The following TNS3 variants were observed in gnomAD, a reference collection of about 807,000 sequenced individuals.
TNS3 encodes the protein tensin 3.
Under a neutral mutation model 140.9 loss-of-function variants are expected in TNS3, and 45 were observed. The observed-to-expected ratio is 0.32, with a 90% confidence interval of 0.25 to 0.41. The LOEUF (loss-of-function observed/expected upper bound fraction) is 0.41. Among genes scored for constraint, TNS3 ranks in the 10% least tolerant of loss-of-function variants. The pLI is 1.00. For missense variants in TNS3, 1,716 were observed against 1,906.7 expected, an observed-to-expected ratio of 0.90 and a Z score of 1.86; for synonymous variants, 815 against 788.4, an observed-to-expected ratio of 1.03 and a Z score of -0.56.
chr7:47,318,250 C>T (rs908288927), intron 20 of TNS3, among the ~76,000 whole-genome samples: 7 of 152,200 alleles, frequency 4.6e-5, no homozygotes, highest in African/African-American at 1.7e-4. Context: ...TGTTGTAGTG[C>T]GTGTCAGAAC....
intron 20 of TNS3, among the ~76,000 whole-genome samples, chr7:47,336,820 G>A (rs557522385): frequency 4.6e-5 from 7 of 152,316 alleles, no homozygotes; most frequent in South Asian, 2.1e-4. Context: ...ACAGAGAAGC[G>A]TGCGGGCTGC....
At chr7:47,467,258 A>AGT (rs1161695513) in intron 4 of TNS3, among the ~76,000 whole-genome samples, 1 of 152,222 alleles carries the variant, frequency 6.6e-6, no homozygotes, top group Admixed American at 6.5e-5. Flanking sequence ...GGGGAGTGCT[A>AGT]GTGGTCATCA....
intron 13 of TNS3, 144 bp downstream of exon 13, chr7:47,411,583 A>C: frequency 1.2e-6 from 1 of 827,258 alleles, no homozygotes; most frequent in Non-Finnish European, 1.8e-6. Context: ...CCCAGTGTTA[A>C]GGTAAAAGCT....
In TNS3 at chr7:47,389,109, C is replaced by CAGAAGCAGAAGAAGA. The variant is rs1195199187; in HGVS notation, c.1024+7690_1024+7691insTCTTCTTCTGCTTCT. Among the ~76,000 whole-genome samples, 50 of 59,140 alleles carry CAGAAGCAGAAGAAGA rather than the reference C, an allele frequency of 8.5e-4. 15 individuals are homozygous for CAGAAGCAGAAGAAGA. Among genetic ancestry groups the CAGAAGCAGAAGAAGA allele is most frequent in the South Asian group, 3.3e-3 (5 of 1,510 alleles). The allele number at this position is 59,140 out of a possible 152,430, so 38.8% of individuals were successfully genotyped here. On this transcript the variant is annotated intron_variant, in intron 16 of 30. Transcript: ENST00000311160. ...GAGGAAGAGGAAGAGGAAGCGGAAG[C>CAGAAGCAGAAGAAGA]AGAAGAAGAAGAAGAAGAAGAAGAA... is the stretch of plus-strand genomic sequence containing the variant.
intron 9 of TNS3, among the ~76,000 whole-genome samples, chr7:47,428,066 T>C (rs1004008149): frequency 2.0e-5 from 3 of 152,188 alleles, no homozygotes; most frequent in Non-Finnish European, 4.4e-5. Context: ...ATTTTTTTAA[T>C]GCCTCCATGG....
intron 20 of TNS3, among the ~76,000 whole-genome samples, chr7:47,323,773 C>G (rs1265569683): frequency 6.6e-6 from 1 of 152,062 alleles, no homozygotes; most frequent in East Asian, 1.9e-4. Context: ...TAAATAATGA[C>G]AAGTTATGTA....
chr7:47,503,059 T>C (rs896370201), intron 3 of TNS3, among the ~76,000 whole-genome samples: 2 of 152,116 alleles, frequency 1.3e-5, no homozygotes, highest in African/African-American at 4.8e-5. Flanking sequence ...GTGCAGGGCA[T>C]CTCCCCAACA....
At chr7:47,486,969 A>C (rs774310271) in intron 3 of TNS3, among the ~76,000 whole-genome samples, 2 of 152,174 alleles carry the variant, frequency 1.3e-5, no homozygotes, top group Non-Finnish European at 2.9e-5. Flanking sequence ...GGTCACGTGA[A>C]TCAGCTTCCT....
At chr7:47,488,471 C>G (rs547864604) in intron 3 of TNS3, among the ~76,000 whole-genome samples, 1 of 152,182 alleles carries the variant, frequency 6.6e-6, no homozygotes, top group Non-Finnish European at 1.5e-5. Flanking sequence ...GCCTCTCTCC[C>G]GGGCCTGCAG....
rs180955959 is a variant in TNS3 at position 47,527,630 on chromosome 7, G to A, written c.-153+1406C>T. Among the ~76,000 whole-genome samples, 40 of 152,142 alleles carry A rather than the reference G, an allele frequency of 2.6e-4. No homozygotes were observed. In the East Asian group the frequency reaches 3.7e-3, roughly 14 times the overall value. On this transcript the variant is annotated intron_variant, in intron 2 of 30. Transcript: ENST00000311160. Reference sequence around the variant, plus strand: ...CTAGTGCAGTGCCGTTTGCAAGTATGGGCTTAAAACAATGGCTCAAACCTG... The same window carrying A: ...CTAGTGCAGTGCCGTTTGCAAGTATAGGCTTAAAACAATGGCTCAAACCTG...
intron 3 of TNS3, among the ~76,000 whole-genome samples, chr7:47,496,093 G>C (rs774235284): frequency 2.6e-5 from 4 of 152,214 alleles, no homozygotes; most frequent in Non-Finnish European, 5.9e-5. Flanking sequence ...GGATTGAGGA[G>C]AGGAGAGGAC....
chr7:47,480,465 T>G (rs1327910642), intron 4 of TNS3, among the ~76,000 whole-genome samples: 1 of 152,106 alleles, frequency 6.6e-6, no homozygotes, highest in African/African-American at 2.4e-5. Flanking sequence ...AGCCTTTCAA[T>G]TATCCTGCAA....
At chr7:47,392,621 C>T (rs557611315) in intron 16 of TNS3, among the ~76,000 whole-genome samples, 18 of 152,346 alleles carry the variant, frequency 1.2e-4, no homozygotes, top group Admixed American at 6.5e-4. Context: ...GACTAAAGCC[C>T]TGGTGGGAAT....
Position 47,304,857 on chromosome 7 carries a change from T to C in TNS3, c.2797A>G (p.Asn933Asp). The C allele has an allele frequency of 7.2e-7, 1 of 1,389,180 alleles. No homozygotes were observed. Among genetic ancestry groups the C allele is most frequent in the Non-Finnish European group, 9.4e-7 (1 of 1,060,378 alleles). 86.1% of individuals were successfully genotyped at this position (1,389,180 alleles called of 1,614,324 possible). A position where few individuals can be genotyped will look rare whatever the true frequency, so the allele number is the denominator to read the frequency against. The change falls in exon 21 of 31, where the codon AAC becomes GAC. Residue 933 changes from asparagine (N) to aspartate (D), a missense_variant. This residue lies in a region of TNS3 where 1,163 missense variants were observed against 1,182.1 expected (regional missense o/e 0.98). Transcript: ENST00000311160. ...AFASSCTISS[N>D]GPGQRRESSS... ...CTCTCTCTCCTCTGCCCAGGGCCGTTGCTGGAAATGGTGCAGGAAGAAGCA... is the reference window on the plus strand; with the variant it reads ...CTCTCTCTCCTCTGCCCAGGGCCGTCGCTGGAAATGGTGCAGGAAGAAGCA...
intron 10 of TNS3, among the ~76,000 whole-genome samples, chr7:47,416,047 G>T (rs527320591): frequency 6.6e-6 from 1 of 152,332 alleles, no homozygotes; most frequent in South Asian, 2.1e-4. Context: ...CTGCCCTGAG[G>T]TCCCTCACCA....
chr7:47,384,391 TG>T (rs1288716027), intron 16 of TNS3, among the ~76,000 whole-genome samples: 1 of 152,240 alleles, frequency 6.6e-6, no homozygotes, highest in East Asian at 1.9e-4. Context: ...TCTCCAGCCC[TG>T]CGGGCTGCCA....
rs776909132 is a variant in TNS3 at position 47,344,980 on chromosome 7, C to T, written c.2510G>A (p.Ser837Asn). The T allele has an allele frequency of 1.9e-6, 3 of 1,614,214 alleles. No individual in the cohort carries two copies. In the East Asian group the frequency reaches 6.7e-5, roughly 36 times the overall value. ...LDIIDGRILS[S>N]KESMCSTPAF... ...TGGAGTTGAACACATGGACTCCTTGCTACTTAAAATTCTGCCATCGATAAT... is the reference window on the plus strand; with the variant it reads ...TGGAGTTGAACACATGGACTCCTTGTTACTTAAAATTCTGCCATCGATAAT... Residue 837 changes from serine to asparagine, a missense_variant, in exon 19 of 31, where the codon AGC becomes AAC. Ser to Asn is a conservative substitution (Grantham distance 46). Coordinates refer to ENST00000311160, the MANE Select transcript of TNS3 (RefSeq NM_022748.12).
chr7:47,376,877 T>C (rs760212738), intron 16 of TNS3, among the ~76,000 whole-genome samples: 1 of 152,226 alleles, frequency 6.6e-6, no homozygotes, highest in South Asian at 2.1e-4. Context: ...GCTGCAGTGA[T>C]GGTCACAGTT....
At chr7:47,420,422 C>G (rs902188907) in intron 10 of TNS3, among the ~76,000 whole-genome samples, 3 of 152,150 alleles carry the variant, frequency 2.0e-5, no homozygotes, top group African/African-American at 7.2e-5. Flanking sequence ...ACTTCTTGGG[C>G]ACGTGCATTA....
Sources: allele counts gnomAD v4.1 joint callset (sites outside exome capture counted in the v4.1 genomes callset), GRCh38; gene constraint gnomAD v4.1.1; regional missense constraint gnomAD v4.1.1; transcripts MANE v1.5; gene names NCBI Gene and HGNC (gene_info 2026-07-23, HGNC 2026-07-21).